GPC6: variants seen among roughly 807,000 people sequenced by gnomAD.
The protein encoded by GPC6 is glypican 6.
In GPC6, 14 loss-of-function variants were observed where a neutral mutation model predicts 55.2. That is an observed-to-expected ratio of 0.25 (90% confidence interval 0.17 to 0.40). The LOEUF is 0.40. Among genes scored for constraint, GPC6 ranks in the 10% least tolerant of loss-of-function variants. The pLI is 1.00. For missense variants in GPC6, 641 were observed against 708.5 expected (o/e 0.90, Z 1.08); for synonymous variants, 278 against 259.6 (o/e 1.07, Z -0.68).
chr13:94,345,354 TG>T (rs1386105967), intron 6 of GPC6, among the ~76,000 whole-genome samples: 2 of 152,032 alleles, frequency 1.3e-5, no homozygotes, highest in Non-Finnish European at 2.9e-5. Context: ...AATCTGATTT[TG>T]GGGGGGAAAA....
intron 3 of GPC6, among the ~76,000 whole-genome samples, chr13:93,931,366 A>T (rs1594597864): frequency 6.6e-6 from 1 of 151,498 alleles, no homozygotes; most frequent in South Asian, 2.1e-4. Context: ...TTCAGGGAGC[A>T]AAGAGGGAAG....
At chr13:93,425,611 T>C (rs1877097285) in intron 1 of GPC6, among the ~76,000 whole-genome samples, 1 of 152,154 alleles carries the variant, frequency 6.6e-6, no homozygotes, top group South Asian at 2.1e-4. Flanking sequence ...CAAGTCGAAA[T>C]AGTGTAAGGA....
intron 3 of GPC6, among the ~76,000 whole-genome samples, chr13:93,840,678 A>G (rs754317758): frequency 1.3e-5 from 2 of 151,978 alleles, no homozygotes; most frequent in African/African-American, 4.8e-5. Flanking sequence ...CTTTCAGAAA[A>G]CTCATTATGA....
chr13:93,817,432 C>T (rs1425571583), intron 2 of GPC6, among the ~76,000 whole-genome samples: 1 of 152,060 alleles, frequency 6.6e-6, no homozygotes, highest in Non-Finnish European at 1.5e-5. Context: ...AAATCTTTGA[C>T]CTTACCTTTG....
intron 2 of GPC6, among the ~76,000 whole-genome samples, chr13:93,819,565 G>C (rs569327685): frequency 2.0e-5 from 3 of 152,270 alleles, no homozygotes; most frequent in Admixed American, 6.5e-5. Flanking sequence ...GCAGATTTGC[G>C]GGCCAGGCCC....
intron 1 of GPC6, among the ~76,000 whole-genome samples, chr13:93,273,842 T>C (rs573348865): frequency 9.0e-4 from 137 of 152,086 alleles, no homozygotes; most frequent in Non-Finnish European, 1.8e-3. Flanking sequence ...AGAGTCTCAC[T>C]CTGTTGCCTA....
chr13:94,151,774 CT>C (rs1887751128), intron 4 of GPC6, among the ~76,000 whole-genome samples: 1 of 152,034 alleles, frequency 6.6e-6, no homozygotes, highest in African/African-American at 2.4e-5. Flanking sequence ...CAACCTGAGT[CT>C]GTAGAGGTGG....
chr13:94,258,591 A>G (rs909525967), intron 4 of GPC6, among the ~76,000 whole-genome samples: 2 of 152,190 alleles, frequency 1.3e-5, no homozygotes, highest in African/African-American at 4.8e-5. Flanking sequence ...CGTTTACATT[A>G]TATTTCTAAC....
chr13:94,119,298 T>C (rs1886544495), intron 4 of GPC6, among the ~76,000 whole-genome samples: 1 of 151,806 alleles, frequency 6.6e-6, no homozygotes, highest in African/African-American at 2.4e-5. Flanking sequence ...AGTATGTCAG[T>C]TGGTGATAAG....
intron 1 of GPC6, among the ~76,000 whole-genome samples, chr13:93,541,942 G>A (rs1408707734): frequency 2.0e-5 from 3 of 152,012 alleles, no homozygotes; most frequent in Non-Finnish European, 2.9e-5. Flanking sequence ...CAGATGAGTA[G>A]GTTGCGAAAA....
chr13:93,318,678 G>A (rs760737053), intron 1 of GPC6, among the ~76,000 whole-genome samples: 1 of 152,086 alleles, frequency 6.6e-6, no homozygotes, highest in Non-Finnish European at 1.5e-5. Context: ...CCTAGTGCTT[G>A]CAGGGGGAGG....
chr13:93,287,866 GT>G (rs1015705367), intron 1 of GPC6, among the ~76,000 whole-genome samples: 2 of 151,706 alleles, frequency 1.3e-5, no homozygotes, highest in African/African-American at 4.8e-5. Context: ...TTTTTTAAAG[GT>G]TTTTTTTGTT....
chr13:93,400,013 G>A (rs968243056), intron 1 of GPC6, among the ~76,000 whole-genome samples: 1 of 152,032 alleles, frequency 6.6e-6, no homozygotes, highest in African/African-American at 2.4e-5. Flanking sequence ...TGAAATAATC[G>A]CATAAAGCTA....
chr13:94,267,617 C>T (rs533149640), intron 4 of GPC6, among the ~76,000 whole-genome samples: 1 of 152,248 alleles, frequency 6.6e-6, no homozygotes, highest in African/African-American at 2.4e-5. Flanking sequence ...CTTAAATTTC[C>T]CTACCATTAC....
Position 94,405,522 on chromosome 13 carries a change from C to T in GPC6, c.*2305C>T, listed in dbSNP as rs1881332563. ...CAGGTCTTTCCTTTTTAAAATATTT[C>T]TGCATTCTCTTTTATGAACTAGATC... On this transcript the variant is annotated 3_prime_UTR_variant, in exon 9 of 9. Transcript: ENST00000377047. 6.6e-6 allele frequency: 1 copy of T among 152,104 alleles called. No individual in the cohort carries two copies. Among genetic ancestry groups the T allele is most frequent in the Non-Finnish European group, 1.5e-5 (1 of 68,020 alleles). The allele number at this position is 152,104 out of a possible 1,614,324, so 9.4% of individuals were successfully genotyped here. A position where few individuals can be genotyped will look rare whatever the true frequency, so the allele number is the denominator to read the frequency against.
At chr13:93,935,631 C>T (rs928185) in intron 3 of GPC6, among the ~76,000 whole-genome samples, 67,755 of 152,072 alleles carry the variant, frequency 0.45, 15,590 homozygotes, top group Non-Finnish European at 0.48. Context: ...TTTAAAATTA[C>T]ATACGCAATT....
At chr13:93,686,236 A>G (rs953969399) in intron 2 of GPC6, among the ~76,000 whole-genome samples, 38 of 152,168 alleles carry the variant, frequency 2.5e-4, no homozygotes, top group African/African-American at 6.8e-4. Context: ...CAGGATTAAG[A>G]ATCCAACTTC....
intron 2 of GPC6, among the ~76,000 whole-genome samples, chr13:93,783,766 G>A (rs1291575790): frequency 3.9e-5 from 6 of 151,968 alleles, no homozygotes; most frequent in Non-Finnish European, 7.4e-5. Context: ...TGCAGTCTAC[G>A]TACTTCTCTC....
At chr13:93,605,796 C>T (rs571482764) in intron 2 of GPC6, among the ~76,000 whole-genome samples, 1 of 142,842 alleles carries the variant, frequency 7.0e-6, no homozygotes, top group South Asian at 2.2e-4. Context: ...GAGCTGAGAT[C>T]GTGCCACTGC....
Sources: allele counts gnomAD v4.1 joint callset (sites outside exome capture counted in the v4.1 genomes callset), GRCh38; gene constraint gnomAD v4.1.1; transcripts MANE v1.5; gene names NCBI Gene and HGNC (gene_info 2026-07-23, HGNC 2026-07-21).